Variants in RARB observed in about 807,000 individuals in gnomAD.
RARB encodes retinoic acid receptor beta.
Under a neutral mutation model 51.9 loss-of-function variants are expected in RARB, and 17 were observed. The ratio of observed to expected loss-of-function variants is 0.33; its 90% CI spans 0.22 to 0.49. The LOEUF (loss-of-function observed/expected upper bound fraction) is 0.49. Ranked by LOEUF, RARB falls within the 20% of genes least tolerant of loss-of-function variation. RARB has a pLI of 0.99. For synonymous variants in RARB, 215 were observed against 195.4 expected, an observed-to-expected ratio of 1.10 and a Z score of -0.84; for missense variants, 369 against 550.8, an observed-to-expected ratio of 0.67 and a Z score of 3.30.
chr3:25,353,462 T>A (rs111416889), intron 5 of RARB, among the ~76,000 whole-genome samples: 39 of 152,174 alleles, frequency 2.6e-4, no homozygotes, highest in Non-Finnish European at 4.3e-4. Context: ...CAGATTCCTA[T>A]GAAGTTTTTA....
At chr3:24,921,454 A>G (rs561439654) in intron 2 of RARB, among the ~76,000 whole-genome samples, 1 of 152,272 alleles carries the variant, frequency 6.6e-6, no homozygotes, top group Admixed American at 6.5e-5. Context: ...CTTTAATTAT[A>G]TAAAAATGAA....
intron 3 of RARB, among the ~76,000 whole-genome samples, chr3:25,563,403 C>T (rs1700354193): frequency 6.6e-6 from 1 of 152,154 alleles, no homozygotes; most frequent in Admixed American, 6.5e-5. Context: ...ATTCACTGAC[C>T]TTTTTTCTCT....
chr3:25,147,103 A>C (rs752729077), intron 4 of RARB, among the ~76,000 whole-genome samples: 2 of 152,198 alleles, frequency 1.3e-5, no homozygotes, highest in Non-Finnish European at 2.9e-5. Flanking sequence ...TAGTGTTTCT[A>C]AACTCACGTG....
chr3:25,093,968 C>G (rs1378222591), intron 3 of RARB, among the ~76,000 whole-genome samples: 2 of 152,060 alleles, frequency 1.3e-5, no homozygotes, highest in African/African-American at 2.4e-5. Context: ...AAACAAAATA[C>G]CAAATACAAG....
intron 3 of RARB, among the ~76,000 whole-genome samples, chr3:25,068,076 G>A (rs1167188902): frequency 2.9e-5 from 4 of 139,392 alleles, no homozygotes; most frequent in African/African-American, 1.1e-4. Flanking sequence ...GGAGGTTGCA[G>A]TGAGACGAGA....
At chr3:25,142,585 T>C (rs1031138733) in intron 4 of RARB, among the ~76,000 whole-genome samples, 1 of 117,734 alleles carries the variant, frequency 8.5e-6, no homozygotes, top group African/African-American at 3.4e-5. Context: ...AATCACTGCC[T>C]GTATTTTTTT....
intron 4 of RARB, among the ~76,000 whole-genome samples, chr3:25,142,263 G>A (rs1484590638): frequency 6.6e-6 from 1 of 152,140 alleles, no homozygotes; most frequent in African/African-American, 2.4e-5. Context: ...GAACCTGGGA[G>A]GTGGAAGTTG....
At chr3:25,253,900 A>G (rs1036903799) in intron 5 of RARB, among the ~76,000 whole-genome samples, 4 of 152,178 alleles carry the variant, frequency 2.6e-5, no homozygotes, top group African/African-American at 9.7e-5. Context: ...CCTCTAATAG[A>G]CACAAATGTT....
intron 5 of RARB, among the ~76,000 whole-genome samples, chr3:25,268,584 T>G (rs1366498929): frequency 6.6e-6 from 1 of 152,180 alleles, no homozygotes; most frequent in African/African-American, 2.4e-5. Context: ...TAGCCCCTCT[T>G]TTACTCTGTT....
chr3:25,558,427 G>GT (rs1175705891), intron 3 of RARB, among the ~76,000 whole-genome samples: 1 of 151,832 alleles, frequency 6.6e-6, no homozygotes. Flanking sequence ...GGTTTCTGCG[G>GT]TTTTTTATTC....
intron 5 of RARB, among the ~76,000 whole-genome samples, chr3:25,391,214 A>C (rs965107307): frequency 6.6e-6 from 1 of 152,158 alleles, no homozygotes; most frequent in Non-Finnish European, 1.5e-5. Context: ...GGTTTCTGTA[A>C]ATGCCATTAT....
intron 5 of RARB, among the ~76,000 whole-genome samples, chr3:25,346,402 A>G (rs1388321825): frequency 6.6e-6 from 1 of 152,240 alleles, no homozygotes; most frequent in Non-Finnish European, 1.5e-5. Context: ...GGAAGGAACT[A>G]CAGTCCAAAC....
chr3:25,023,872 G>T (rs1225939526), intron 2 of RARB, among the ~76,000 whole-genome samples: 1 of 152,208 alleles, frequency 6.6e-6, no homozygotes, highest in Non-Finnish European at 1.5e-5. Context: ...ATCTCTAGAT[G>T]TGGGTGTTTG....
chr3:25,073,222 G>A (rs144344207), intron 3 of RARB, among the ~76,000 whole-genome samples: 1 of 152,300 alleles, frequency 6.6e-6, no homozygotes, highest in Non-Finnish European at 1.5e-5. Context: ...AAAGCATGAC[G>A]ATCATGAAGG....
At chr3:25,146,138 T>G (rs1327301214) in intron 4 of RARB, among the ~76,000 whole-genome samples, 1 of 152,186 alleles carries the variant, frequency 6.6e-6, no homozygotes. Flanking sequence ...TCTTGACCTC[T>G]CAGATATTTG....
At chr3:25,390,011 G>A (rs1706905474) in intron 5 of RARB, among the ~76,000 whole-genome samples, 2 of 152,118 alleles carry the variant, frequency 1.3e-5, no homozygotes, top group Non-Finnish European at 2.9e-5. Context: ...AAGGCTGGCG[G>A]AAAGATAAAT....
At chr3:25,373,582 CA>C (rs1275839317) in intron 5 of RARB, among the ~76,000 whole-genome samples, 1 of 152,102 alleles carries the variant, frequency 6.6e-6, no homozygotes, top group Non-Finnish European at 1.5e-5. Flanking sequence ...CTATAAAAGC[CA>C]GTCTGTAGGT....
intron 5 of RARB, among the ~76,000 whole-genome samples, chr3:25,182,732 A>G (rs576703112): frequency 6.6e-6 from 1 of 152,292 alleles, no homozygotes; most frequent in Admixed American, 6.5e-5. Flanking sequence ...TAAAATTATT[A>G]TGGATTAAAT....
intron 2 of RARB, among the ~76,000 whole-genome samples, chr3:25,016,765 C>T (rs1697517836): frequency 1.3e-5 from 2 of 152,004 alleles, no homozygotes; most frequent in Non-Finnish European, 2.9e-5. Context: ...ACATAGTGCT[C>T]AGGAATGAGG....
Sources: allele counts gnomAD v4.1 joint callset (sites outside exome capture counted in the v4.1 genomes callset), GRCh38; gene constraint gnomAD v4.1.1; transcripts MANE v1.5; gene names NCBI Gene and HGNC (gene_info 2026-07-23, HGNC 2026-07-21).